EBF1: variants seen among roughly 807,000 people sequenced by gnomAD.
The protein encoded by EBF1 is EBF transcription factor 1.
In EBF1, 10 loss-of-function variants were observed where a neutral mutation model predicts 68.4. That is an observed-to-expected ratio of 0.15 (90% CI 0.09 to 0.25). EBF1 has a LOEUF of 0.25. EBF1 is among the 10% of genes least tolerant of loss of function. The pLI, the probability that EBF1 is intolerant of heterozygous loss-of-function variation, is 1.00. For synonymous variants in EBF1, 298 were observed against 299.8 expected (o/e 0.99, Z 0.06); for missense variants, 509 against 794.4 (o/e 0.64, Z 4.32).
At chr5:159,016,085 T>C (rs932528222) in intron 6 of EBF1, among the ~76,000 whole-genome samples, 1 of 152,202 alleles carries the variant, frequency 6.6e-6, no homozygotes, top group African/African-American at 2.4e-5. Flanking sequence ...CAAGTGTTCC[T>C]CCTTGCCTCT....
intron 6 of EBF1, among the ~76,000 whole-genome samples, chr5:158,873,696 G>A (rs568295634): frequency 5.3e-4 from 80 of 152,236 alleles, no homozygotes; most frequent in South Asian, 3.1e-3. Context: ...CCAAGATGAA[G>A]CAAATGTGAG....
intron 15 of EBF1, among the ~76,000 whole-genome samples, chr5:158,705,628 T>C (rs1757709133): frequency 6.6e-6 from 1 of 152,246 alleles, no homozygotes; most frequent in Non-Finnish European, 1.5e-5. Flanking sequence ...CATTTCATCA[T>C]GACTTAAACA....
rs1484936201 is a variant in EBF1, at chr5:158,976,267, C to G, written c.554+97129G>C. Among the ~76,000 whole-genome samples, 3 of 152,260 alleles carry G rather than the reference C, an allele frequency of 2.0e-5. No homozygotes were observed. The East Asian group carries it at 5.8e-4, about 29-fold the overall frequency. On this transcript the variant is annotated intron_variant, in intron 6 of 15. Transcript: ENST00000313708. ...AGCCTCTTGATGAGAGTACTTAGCT[C>G]ACATCAATGGTAATGGGACTTAAAC... is the stretch of plus-strand genomic sequence containing the variant.
chr5:159,099,278 GCCGCCT>G, intron 1 of EBF1, 61 bp downstream of exon 1: 1 of 885,754 alleles, frequency 1.1e-6, no homozygotes, highest in Non-Finnish European at 1.5e-6. Context: ...CGCTGCCGCT[GCCGCCT>G]CCGCCTCCCG....
At chr5:158,870,478 G>A (rs564739449) in intron 6 of EBF1, among the ~76,000 whole-genome samples, 1 of 152,250 alleles carries the variant, frequency 6.6e-6, no homozygotes, top group Admixed American at 6.5e-5. Flanking sequence ...GAGCTCAGGA[G>A]TTCAAGAGCA....
chr5:159,019,165 C>T (rs981243550), intron 6 of EBF1: 1 of 152,204 alleles, frequency 6.6e-6, no homozygotes, highest in African/African-American at 2.4e-5. Flanking sequence ...TTATTAAAGT[C>T]TACTGGGGGT....
intron 11 of EBF1, among the ~76,000 whole-genome samples, chr5:158,715,768 C>T (rs1237288392): frequency 6.6e-6 from 1 of 152,152 alleles, no homozygotes; most frequent in Non-Finnish European, 1.5e-5. Context: ...TGTACGGGCA[C>T]ACTAAACCCT....
intron 6 of EBF1, chr5:158,983,238 T>A (rs773987469): frequency 2.6e-5 from 4 of 152,160 alleles, no homozygotes; most frequent in Non-Finnish European, 5.9e-5. Context: ...CCTGAAGACA[T>A]GAAAGAAGAA....
rs1436085936 is a variant in EBF1 at position 158,713,069 on chromosome 5, G to A, written c.1270C>T (p.Leu424Phe). The A allele has an allele frequency of 1.3e-6, 2 of 1,598,674 alleles. No individual in the cohort carries two copies. The highest frequency in any genetic ancestry group is 1.3e-5 in the African/African-American group (1 of 74,460). ...VPRNHNQLPA[L>F]ANTSVHAGMM... ...CCTGCGTGGACCGAGGTGTTAGCAAGGGCCGGGAGTTGGTTGTGGTTGCGG... is the reference window on the plus strand; with the variant it reads ...CCTGCGTGGACCGAGGTGTTAGCAAAGGCCGGGAGTTGGTTGTGGTTGCGG... The change falls in exon 13 of 16, where the codon CTT (leucine) becomes TTT (phenylalanine). Residue 424 changes from leucine (L) to phenylalanine (F), a missense_variant. Transcript: ENST00000313708.
At chr5:158,983,945 C>T (rs1466797275) in intron 6 of EBF1, among the ~76,000 whole-genome samples, 1 of 101,086 alleles carries the variant, frequency 9.9e-6, no homozygotes, top group African/African-American at 3.7e-5. Context: ...TGTGTGTAAC[C>T]AAATAAAGAA....
intron 5 of EBF1, among the ~76,000 whole-genome samples, chr5:159,082,360 C>T (rs549287819): frequency 7.9e-5 from 12 of 152,152 alleles, no homozygotes; most frequent in Non-Finnish European, 1.3e-4. Context: ...ATCCAGGGCC[C>T]TCACTATTTC....
At chr5:158,977,751 G>A (rs1368872234) in intron 6 of EBF1, among the ~76,000 whole-genome samples, 3 of 152,196 alleles carry the variant, frequency 2.0e-5, no homozygotes, top group African/African-American at 7.2e-5. Context: ...TAGTAAGAAT[G>A]CCATGGCGCT....
At chr5:158,834,801 C>T (rs1487365783) in intron 7 of EBF1, among the ~76,000 whole-genome samples, 1 of 152,216 alleles carries the variant, frequency 6.6e-6, no homozygotes, top group African/African-American at 2.4e-5. Flanking sequence ...AGGAGACACG[C>T]TCCTGCGTTG....
chr5:158,709,880 A>G (rs1758783322), intron 14 of EBF1, among the ~76,000 whole-genome samples: 1 of 152,190 alleles, frequency 6.6e-6, no homozygotes, highest in Non-Finnish European at 1.5e-5. Flanking sequence ...TTCACTGAGG[A>G]AGGCAATTAA....
intron 6 of EBF1, among the ~76,000 whole-genome samples, chr5:159,050,341 T>C (rs189959763): frequency 6.6e-6 from 1 of 152,166 alleles, no homozygotes; most frequent in East Asian, 1.9e-4. Flanking sequence ...TCTTGACTTC[T>C]ACCCCTCCAT....
At chr5:158,772,406 G>A (rs1180948932) in intron 10 of EBF1, among the ~76,000 whole-genome samples, 4 of 152,110 alleles carry the variant, frequency 2.6e-5, no homozygotes, top group African/African-American at 7.2e-5. Context: ...CTGTACTCCT[G>A]TTGCTAGGAC....
chr5:158,941,881 T>C (rs1813496108), intron 6 of EBF1, among the ~76,000 whole-genome samples: 1 of 152,176 alleles, frequency 6.6e-6, no homozygotes, highest in Non-Finnish European at 1.5e-5. Context: ...TTTCTAATGC[T>C]CTGAAGGTGA....
chr5:158,835,960 C>T (rs111265005), intron 7 of EBF1, among the ~76,000 whole-genome samples: 5 of 152,178 alleles, frequency 3.3e-5, no homozygotes, highest in African/African-American at 7.2e-5. Flanking sequence ...CTACCAATAT[C>T]GATAGAAGCA....
chr5:158,734,282 T>C (rs1372148488), intron 10 of EBF1, among the ~76,000 whole-genome samples: 1 of 152,206 alleles, frequency 6.6e-6, no homozygotes, highest in Non-Finnish European at 1.5e-5. Flanking sequence ...ATTACTTATA[T>C]AATCAGAGAA....
Sources: allele counts gnomAD v4.1 joint callset (sites outside exome capture counted in the v4.1 genomes callset), GRCh38; gene constraint gnomAD v4.1.1; transcripts MANE v1.5; gene names NCBI Gene and HGNC (gene_info 2026-07-23, HGNC 2026-07-21).